OTUD7A: variants seen among roughly 807,000 people sequenced by gnomAD.
OTUD7A encodes OTU domain-containing protein 7A.
Under a neutral mutation model 65.7 loss-of-function variants are expected in OTUD7A, and 12 were observed. That is an observed-to-expected ratio of 0.18 (90% confidence interval 0.12 to 0.30). The LOEUF (loss-of-function observed/expected upper bound fraction) is 0.30, where lower values mean the gene tolerates loss of function less well. Among genes scored for constraint, OTUD7A ranks in the 10% least tolerant of loss-of-function variants. OTUD7A has a pLI of 1.00. For synonymous variants in OTUD7A, 641 were observed against 586.3 expected (o/e 1.09, Z -1.35); for missense variants, 1,148 against 1,304.8 (o/e 0.88, Z 1.85).
chr15:31,492,342 G>A (rs1425409286), intron 10 of OTUD7A, among the ~76,000 whole-genome samples: 2 of 152,186 alleles, frequency 1.3e-5, no homozygotes, highest in Non-Finnish European at 2.9e-5. Flanking sequence ...ACTTTGGGAG[G>A]CCAAGGTGGT....
At chr15:31,514,775 C>T (rs182133894) in intron 8 of OTUD7A, among the ~76,000 whole-genome samples, 66 of 152,370 alleles carry the variant, frequency 4.3e-4, no homozygotes, top group Non-Finnish European at 8.8e-4. Context: ...TGCTTTGCCC[C>T]ACCTAATGGC....
intron 1 of OTUD7A, among the ~76,000 whole-genome samples, chr15:31,796,751 T>C (rs550380949): frequency 6.6e-6 from 1 of 152,346 alleles, no homozygotes; most frequent in East Asian, 1.9e-4. Flanking sequence ...CCTCTTTTCT[T>C]TGAGACAGAG....
At chr15:31,726,330 TAC>T (rs1015099768) in intron 1 of OTUD7A, among the ~76,000 whole-genome samples, 28 of 89,990 alleles carry the variant, frequency 3.1e-4, no homozygotes, top group East Asian at 7.3e-4. Context: ...TCTCTCGAAT[TAC>T]ACACACACAC....
intron 1 of OTUD7A, among the ~76,000 whole-genome samples, chr15:31,811,781 G>A (rs952688281): frequency 6.6e-6 from 1 of 152,212 alleles, no homozygotes; most frequent in Non-Finnish European, 1.5e-5. Flanking sequence ...CAGCTGGCTA[G>A]GCCCTGCTGC....
chr15:31,839,045 G>A (rs1480388585), intron 1 of OTUD7A, among the ~76,000 whole-genome samples: 1 of 152,214 alleles, frequency 6.6e-6, no homozygotes, highest in Non-Finnish European at 1.5e-5. Flanking sequence ...TGCTCTCCCA[G>A]CCCCTGCTCC....
At chr15:31,569,964 G>A in intron 4 of OTUD7A, 54 bp downstream of exon 4, 2 of 1,588,238 alleles carry the variant, frequency 1.3e-6, no homozygotes, top group Non-Finnish European at 1.7e-6. Flanking sequence ...CCGCCTGCAA[G>A]CTGCGGTGCA....
intron 3 of OTUD7A, among the ~76,000 whole-genome samples, chr15:31,587,671 T>C (rs114742025): frequency 0.032 from 4,814 of 151,556 alleles, 270 homozygotes; most frequent in African/African-American, 0.11. Flanking sequence ...GTAAATCTTA[T>C]CATGTTCCTC....
At chr15:31,710,170 CTT>C (rs887017147) in intron 1 of OTUD7A, among the ~76,000 whole-genome samples, 1 of 150,326 alleles carries the variant, frequency 6.7e-6, no homozygotes, top group Non-Finnish European at 1.5e-5. Flanking sequence ...CTAATTGTCA[CTT>C]TTGTCTTTGT....
At chr15:31,752,960 T>C (rs1894678562) in intron 1 of OTUD7A, among the ~76,000 whole-genome samples, 2 of 152,212 alleles carry the variant, frequency 1.3e-5, no homozygotes, top group Admixed American at 6.5e-5. Context: ...ACCATCATCA[T>C]ATGCAGCAGA....
chr15:31,702,533 T>C (rs896388221), intron 1 of OTUD7A, among the ~76,000 whole-genome samples: 109 of 151,394 alleles, frequency 7.2e-4, no homozygotes, highest in Non-Finnish European at 1.2e-3. Context: ...AAAATAGTTA[T>C]AAATCTAACA....
intron 10 of OTUD7A, among the ~76,000 whole-genome samples, chr15:31,494,381 C>T (rs2041356355): frequency 6.6e-6 from 1 of 152,142 alleles, no homozygotes. Context: ...GAGGAGGACA[C>T]CCTTACCAGA....
At chr15:31,525,707 G>A (rs1225880325) in intron 8 of OTUD7A, among the ~76,000 whole-genome samples, 3 of 152,210 alleles carry the variant, frequency 2.0e-5, no homozygotes, top group Admixed American at 6.5e-5. Flanking sequence ...AATAAGCCGC[G>A]GCCAAGGCTC....
At chr15:31,543,088 A>G (rs1246935321) in intron 5 of OTUD7A, among the ~76,000 whole-genome samples, 1 of 151,928 alleles carries the variant, frequency 6.6e-6, no homozygotes, top group African/African-American at 2.4e-5. Flanking sequence ...TGACTATATA[A>G]AACACTAATG....
At chr15:31,831,267 C>A (rs886831121) in intron 1 of OTUD7A, among the ~76,000 whole-genome samples, 2 of 152,064 alleles carry the variant, frequency 1.3e-5, no homozygotes, top group Non-Finnish European at 2.9e-5. Flanking sequence ...ACAGAAACAA[C>A]AACCACAAAT....
intron 1 of OTUD7A, among the ~76,000 whole-genome samples, chr15:31,778,775 C>T (rs1309927504): frequency 6.6e-6 from 1 of 152,200 alleles, no homozygotes; most frequent in Non-Finnish European, 1.5e-5. Flanking sequence ...CATACACACA[C>T]ACACACCGAG....
chr15:31,641,701 A>T (rs1036810971), intron 3 of OTUD7A, among the ~76,000 whole-genome samples: 15 of 152,206 alleles, frequency 9.9e-5, no homozygotes, highest in Admixed American at 4.6e-4. Flanking sequence ...AATTTATTTT[A>T]AAAAATAATG....
At chr15:31,685,747 G>A (rs1433211553) in intron 1 of OTUD7A, among the ~76,000 whole-genome samples, 1 of 152,196 alleles carries the variant, frequency 6.6e-6, no homozygotes, top group Non-Finnish European at 1.5e-5. Flanking sequence ...ATAAAGCTTT[G>A]GAACATGGCA....
Position 31,484,007 on chromosome 15 carries a change from TGGCGGC to T in OTUD7A, c.2083_2088del (p.Ala695_Ala696del), listed in dbSNP as rs199744400. 1.3e-4 allele frequency: 156 copies of T among 1,167,122 alleles called. No individual in the cohort carries two copies. Among genetic ancestry groups the T allele is most frequent in the East Asian group, 6.7e-4 (17 of 25,338 alleles). 72.3% of individuals were successfully genotyped at this position (1,167,122 alleles called of 1,614,324 possible). ...GGTCTGCGCGGCGGCCGCTTGGCCG[TGGCGGC>T]GGCGGCGGCGGCGGCAGCGGCGGCC... is the stretch of plus-strand genomic sequence containing the variant. On this transcript the variant is annotated inframe_deletion, in exon 13 of 13. Coordinates refer to ENST00000307050, the MANE Select transcript of OTUD7A (RefSeq NM_001382637.1). This position sits in a 1 kb window ranked among gnomAD's most constrained non-coding sequence, Gnocchi z 4.5.
At chr15:31,686,995 A>G (rs1178123900) in intron 1 of OTUD7A, among the ~76,000 whole-genome samples, 1 of 152,228 alleles carries the variant, frequency 6.6e-6, no homozygotes, top group Non-Finnish European at 1.5e-5. Context: ...CTTCTAAAAT[A>G]ACCTATATTT....
Sources: allele counts gnomAD v4.1 joint callset (sites outside exome capture counted in the v4.1 genomes callset), GRCh38; gene constraint gnomAD v4.1.1; non-coding constraint Gnocchi (gnomAD v3.1); transcripts MANE v1.5; gene names NCBI Gene and HGNC (gene_info 2026-07-23, HGNC 2026-07-21).